Variants in INSR observed in about 807,000 individuals in gnomAD.
The protein encoded by INSR is IR.
Under a neutral mutation model 142.6 loss-of-function variants are expected in INSR, and 67 were observed. The ratio of observed to expected loss-of-function variants is 0.47; its 90% CI spans 0.39 to 0.58. The LOEUF is 0.58. Ranked by LOEUF, INSR falls within the 20% of genes least tolerant of loss-of-function variation. The pLI is 0.00. For synonymous variants in INSR, 756 were observed against 743.1 expected (o/e 1.02, Z -0.28); for missense variants, 1,248 against 1,833.2 (o/e 0.68, Z 5.83).
chr19:7,197,356 G>C (rs1216325091), intron 2 of INSR, among the ~76,000 whole-genome samples: 1 of 152,266 alleles, frequency 6.6e-6, no homozygotes, highest in Non-Finnish European at 1.5e-5. Context: ...GAGTGAGTGA[G>C]TGGGGAGGGA....
At chr19:7,167,916 C>T in intron 7 of INSR, 52 bp downstream of exon 7, 2 of 1,611,820 alleles carry the variant, frequency 1.2e-6, no homozygotes, top group Non-Finnish European at 1.7e-6. Flanking sequence ...GTAGCAAGCA[C>T]AGAGCCAGCC....
Position 7,149,040 on chromosome 19 carries a change from C to T in INSR, c.2267+1457G>A, listed in dbSNP as rs561477478. ...GAACTCCTGGCCTCAAGTGATTGCC[C>T]CGCCTGGGGTAGCTGCGTCACCACG... On this transcript the variant is annotated intron_variant, in intron 11 of 21. Coordinates refer to ENST00000302850, the MANE Select transcript of INSR (RefSeq NM_000208.4). Among the ~76,000 whole-genome samples the T allele has an allele frequency of 2.1e-3, 317 of 152,274 alleles. 3 individuals are homozygous for T. Among genetic ancestry groups the T allele is most frequent in the African/African-American group, 6.9e-3 (285 of 41,530 alleles).
intron 11 of INSR, among the ~76,000 whole-genome samples, chr19:7,143,953 G>A (rs1973131382): frequency 6.6e-6 from 1 of 151,996 alleles, no homozygotes; most frequent in Non-Finnish European, 1.5e-5. Flanking sequence ...TACTCAGGAG[G>A]CTGAGGCAAG....
chr19:7,209,827 TC>T (rs1265130974), intron 2 of INSR, among the ~76,000 whole-genome samples: 1 of 152,148 alleles, frequency 6.6e-6, no homozygotes, highest in Non-Finnish European at 1.5e-5. Flanking sequence ...GAATACTATT[TC>T]ATCCACCCTA....
Position 7,267,858 on chromosome 19 carries a change from A to G in INSR, c.139T>C (p.Leu47=), listed in dbSNP as rs746327673. The G allele has an allele frequency of 5.0e-6, 8 of 1,614,054 alleles. No individual in the cohort carries two copies. The South Asian group carries it at 6.6e-5, about 13-fold the overall frequency. The change falls in exon 2 of 22, where the codon TTG becomes CTG. Residue 47 remains leucine, a synonymous_variant. Coordinates refer to ENST00000302850, the MANE Select transcript of INSR (RefSeq NM_000208.4). The surrounding 1 kb of genome is among the most constrained non-coding windows in gnomAD (Gnocchi z 6.3). ...ACAGAGCAATTCTCCAGCTCATGCA[A>G]CCTAGTGAGGTTGTTCCGGATATCC... The part of the protein sequence containing the change: ...GMDIRNNLTR[L]HELENCSVIE...
intron 9 of INSR, among the ~76,000 whole-genome samples, chr19:7,155,247 A>G (rs1393959024): frequency 1.3e-5 from 2 of 151,640 alleles, no homozygotes; most frequent in Non-Finnish European, 2.9e-5. Flanking sequence ...ACATTAAAAA[A>G]CGTCTGGCCA....
chr19:7,197,516 G>GGTGTGTGTGTGTGTGTGT (rs552352795), intron 2 of INSR, among the ~76,000 whole-genome samples: 2 of 70,924 alleles, frequency 2.8e-5, no homozygotes, highest in Middle Eastern at 7.2e-3. Flanking sequence ...TGGGAGTGGG[G>GGTGTGTGTGTGTGTGTGT]GTGTGTGTGT....
At chr19:7,287,849 T>C (rs1486700269) in intron 1 of INSR, among the ~76,000 whole-genome samples, 1 of 152,182 alleles carries the variant, frequency 6.6e-6, no homozygotes, top group African/African-American at 2.4e-5. Flanking sequence ...CAAACGCTGT[T>C]CTGTAAAGGG....
chr19:7,197,758 A>AGG (rs1348124001), intron 2 of INSR, among the ~76,000 whole-genome samples: 2 of 57,796 alleles, frequency 3.5e-5, no homozygotes, highest in Non-Finnish European at 6.7e-5. Context: ...CCAGAGTGGG[A>AGG]GTGTGTGTGT....
chr19:7,129,852 C>T (rs1972734556), intron 14 of INSR, among the ~76,000 whole-genome samples: 1 of 152,148 alleles, frequency 6.6e-6, no homozygotes, highest in Non-Finnish European at 1.5e-5. Flanking sequence ...ATCCCCCTGT[C>T]TCAGCCTCCC....
Position 7,198,749 on chromosome 19 carries a change from T to C in INSR, c.653-14112A>G, listed in dbSNP as rs1974865004. Among the ~76,000 whole-genome samples the C allele has an allele frequency of 1.3e-5, 2 of 152,126 alleles. 1 individual carries two copies. Among genetic ancestry groups the C allele is most frequent in the Non-Finnish European group, 2.9e-5 (2 of 68,016 alleles). On this transcript the variant is annotated intron_variant, in intron 2 of 21. Transcript: ENST00000302850. Reference sequence around the variant, plus strand: ...CATACTCATAAATACATTCTTAAAATCCACAGGCTACGTTTTTGGGGTAAC... The same window carrying C: ...CATACTCATAAATACATTCTTAAAACCCACAGGCTACGTTTTTGGGGTAAC...
At chr19:7,129,787 G>A (rs1168351613) in intron 14 of INSR, among the ~76,000 whole-genome samples, 2 of 151,994 alleles carry the variant, frequency 1.3e-5, no homozygotes, top group African/African-American at 4.8e-5. Flanking sequence ...ACCCAGGCTG[G>A]AGTACAGTGG....
chr19:7,127,283 C>T (rs10408374), intron 15 of INSR, among the ~76,000 whole-genome samples: 18,898 of 152,056 alleles, frequency 0.12, 1,205 homozygotes, highest in African/African-American at 0.15. Context: ...GAGCTCATCC[C>T]GACTGATGAG....
At position 7,236,169 on chromosome 19, in the gene INSR, C is replaced by T. The variant is rs1053129402; in HGVS notation, c.652+31176G>A. ...TAGAGACGGGGTTTCACCACGTTGG[C>T]CAGGCTGGTCTTGAACTGCTGACCT... On this transcript the variant is annotated intron_variant, in intron 2 of 21. Coordinates refer to ENST00000302850, the MANE Select transcript of INSR (RefSeq NM_000208.4). Among the ~76,000 whole-genome samples the T allele has an allele frequency of 1.7e-5, 2 of 115,216 alleles. 1 individual carries two copies. The highest frequency in any genetic ancestry group is 3.7e-5 in the Non-Finnish European group (2 of 53,356). The allele number at this position is 115,216 out of a possible 152,430, so 75.6% of individuals were successfully genotyped here.
chr19:7,190,056 G>A (rs1974536464), intron 2 of INSR, among the ~76,000 whole-genome samples: 1 of 151,880 alleles, frequency 6.6e-6, no homozygotes, highest in Non-Finnish European at 1.5e-5. Flanking sequence ...TCAGAGAAAA[G>A]ATACTCTCAG....
intron 1 of INSR, among the ~76,000 whole-genome samples, chr19:7,274,721 C>T (rs1337081453): frequency 2.0e-5 from 3 of 149,028 alleles, no homozygotes; most frequent in East Asian, 2.0e-4. Context: ...AGGAGAATGG[C>T]GTGAACCCAG....
At chr19:7,257,181 T>C (rs1296918861) in intron 2 of INSR, among the ~76,000 whole-genome samples, 1 of 152,022 alleles carries the variant, frequency 6.6e-6, no homozygotes, top group Admixed American at 6.6e-5. Context: ...TGACCTCAGT[T>C]GATCCACCCA....
rs1293483637 is a variant in INSR, at chr19:7,172,282, C to A, written c.1268+8G>T. ...ACTCAGGCCATACACACAATCAGGCCCACGTACCCAATTTCCAAGGTCTCT... is the reference window on the plus strand; with the variant it reads ...ACTCAGGCCATACACACAATCAGGCACACGTACCCAATTTCCAAGGTCTCT... On this transcript the variant is annotated splice_region_variant and intron_variant, in intron 5 of 21. Coordinates refer to ENST00000302850, the MANE Select transcript of INSR (RefSeq NM_000208.4). 1 of 1,613,964 alleles carries A rather than the reference C, an allele frequency of 6.2e-7. No individual in the cohort carries two copies.
At chr19:7,235,732 G>A (rs963830673) in intron 2 of INSR, among the ~76,000 whole-genome samples, 1 of 152,004 alleles carries the variant, frequency 6.6e-6, no homozygotes, top group African/African-American at 2.4e-5. Flanking sequence ...TGTAATCCAA[G>A]CTACTCAGGA....
Sources: gnomAD v4.1 joint callset for allele counts (sites outside exome capture counted in the v4.1 genomes callset) on GRCh38, gnomAD v4.1.1 for gene constraint, Gnocchi (gnomAD v3.1) non-coding constraint, MANE v1.5 for transcripts, NCBI Gene and HGNC (gene_info 2026-07-23, HGNC 2026-07-21) for gene names.